FAM168A: variants seen among roughly 807,000 people sequenced by gnomAD.
The protein encoded by FAM168A is family with sequence similarity 168 member A.
FAM168A carries 3 observed loss-of-function variants against 28.5 expected under a neutral mutation model. That is an observed-to-expected ratio of 0.11 (90% CI 0.05 to 0.27). The LOEUF (loss-of-function observed/expected upper bound fraction) is 0.27, where lower values mean the gene tolerates loss of function less well. FAM168A is among the 10% of genes least tolerant of loss of function. FAM168A has a pLI of 1.00. For missense variants in FAM168A, 222 were observed against 311.5 expected, an observed-to-expected ratio of 0.71 and a Z score of 2.16; for synonymous variants, 122 against 124.2, an observed-to-expected ratio of 0.98 and a Z score of 0.12.
chr11:73,461,773 T>C (rs1339413279), intron 2 of FAM168A, among the ~76,000 whole-genome samples: 1 of 152,086 alleles, frequency 6.6e-6, no homozygotes, highest in African/African-American at 2.4e-5. Flanking sequence ...CAGGGGTATA[T>C]GAAAGGAGTT....
At chr11:73,411,037 C>G (rs971055245) in intron 5 of FAM168A, among the ~76,000 whole-genome samples, 4 of 152,218 alleles carry the variant, frequency 2.6e-5, no homozygotes, top group Non-Finnish European at 5.9e-5. Flanking sequence ...GGGGTCTCAC[C>G]TTGACCAACC....
chr11:73,589,495 G>GAAAAAAAAAAA (rs780232062), intron 1 of FAM168A, among the ~76,000 whole-genome samples: 2 of 64,958 alleles, frequency 3.1e-5, no homozygotes, highest in Non-Finnish European at 6.4e-5. Flanking sequence ...CTGATAAGCT[G>GAAAAAAAAAAA]AAAAAAAAAA....
At chr11:73,488,584 A>T (rs1373627548) in intron 1 of FAM168A, among the ~76,000 whole-genome samples, 1 of 152,186 alleles carries the variant, frequency 6.6e-6, no homozygotes, top group Non-Finnish European at 1.5e-5. Flanking sequence ...AGAGTTTTCA[A>T]GAGCTCCCAC....
chr11:73,484,772 G>A (rs1036560907), intron 1 of FAM168A, among the ~76,000 whole-genome samples: 4 of 149,710 alleles, frequency 2.7e-5, no homozygotes, highest in South Asian at 2.1e-4. Flanking sequence ...TTATTAAGTA[G>A]TATTAACCTA....
chr11:73,578,244 T>C (rs1028767893), intron 1 of FAM168A, among the ~76,000 whole-genome samples: 19 of 152,004 alleles, frequency 1.2e-4, no homozygotes, highest in African/African-American at 3.6e-4. Flanking sequence ...GTTTAATCTA[T>C]AGTGATAGAA....
intron 1 of FAM168A, among the ~76,000 whole-genome samples, chr11:73,494,012 T>C (rs751628945): frequency 1.3e-5 from 2 of 152,212 alleles, no homozygotes; most frequent in African/African-American, 2.4e-5. Flanking sequence ...TCCTGGACTA[T>C]GAGCTCTGAA....
chr11:73,455,875 C>T (rs1402009891), intron 2 of FAM168A, among the ~76,000 whole-genome samples: 7 of 152,264 alleles, frequency 4.6e-5, no homozygotes, highest in African/African-American at 1.4e-4. Flanking sequence ...TTTAACAGCT[C>T]CTAGGCATCC....
At chr11:73,420,568 A>G (rs1397216346) in intron 3 of FAM168A, among the ~76,000 whole-genome samples, 4 of 152,254 alleles carry the variant, frequency 2.6e-5, no homozygotes, top group Non-Finnish European at 4.4e-5. Context: ...GAACCTAGTT[A>G]GCCAGTGGGG....
chr11:73,526,214 T>C (rs1943444849), intron 1 of FAM168A, among the ~76,000 whole-genome samples: 1 of 152,054 alleles, frequency 6.6e-6, no homozygotes, highest in African/African-American at 2.4e-5. Context: ...GACACAAAAT[T>C]CACAGAACTA....
intron 1 of FAM168A, among the ~76,000 whole-genome samples, chr11:73,494,681 C>T (rs1029465831): frequency 1.3e-5 from 2 of 152,114 alleles, no homozygotes; most frequent in African/African-American, 4.8e-5. Flanking sequence ...GCAGCACCAA[C>T]GCCAGGAAAG....
chr11:73,545,002 A>AAT (rs1408468098), intron 1 of FAM168A, among the ~76,000 whole-genome samples: 1 of 80,760 alleles, frequency 1.2e-5, no homozygotes, highest in African/African-American at 7.9e-5. Context: ...TAGTATATAT[A>AAT]ATATACTATA....
At chr11:73,425,051 G>A (rs1277409885) in intron 3 of FAM168A, 2 of 1,530,402 alleles carry the variant, frequency 1.3e-6, no homozygotes, top group Non-Finnish European at 1.7e-6. Flanking sequence ...CTGAAACTCT[G>A]TTGGATAGAA....
intron 1 of FAM168A, among the ~76,000 whole-genome samples, chr11:73,513,658 C>T (rs542086880): frequency 3.4e-4 from 51 of 152,212 alleles, no homozygotes; most frequent in African/African-American, 1.2e-3. Context: ...TGGAGGACGA[C>T]GGCCCTCCAG....
Position 73,468,414 on chromosome 11 carries a change from C to T in FAM168A, c.61G>A (p.Ala21Thr), listed in dbSNP as rs746220660. Residue 21 changes from alanine (A) to threonine (T), a missense_variant, in exon 2 of 8, where the codon GCC (alanine) becomes ACC (threonine). Physicochemically the swap from Ala to Thr is moderately conservative, Grantham distance 58. Coordinates refer to ENST00000356467, the MANE Select transcript of FAM168A (RefSeq NM_015159.3). ...TTCTCACACTACTCACCCGTGTAGG[C>T]CATGTTCTTAGGGTTGCCATAAGGA... is the stretch of plus-strand genomic sequence containing the variant. ...GAPYGNPKNMAYTGYPTAYPA... is the reference protein window; with the variant it reads ...GAPYGNPKNMTYTGYPTAYPA... The T allele has an allele frequency of 6.2e-7, 1 of 1,614,074 alleles. No homozygotes were observed. Among genetic ancestry groups the T allele is most frequent in the Non-Finnish European group, 8.5e-7 (1 of 1,179,960 alleles).
At chr11:73,537,236 G>A (rs1943593928) in intron 1 of FAM168A, among the ~76,000 whole-genome samples, 1 of 152,116 alleles carries the variant, frequency 6.6e-6, no homozygotes. Context: ...TAGGAAGTGA[G>A]GCTGAAAAGG....
intron 2 of FAM168A, among the ~76,000 whole-genome samples, chr11:73,459,066 A>G (rs972115542): frequency 1.3e-5 from 2 of 151,882 alleles, no homozygotes; most frequent in African/African-American, 4.8e-5. Flanking sequence ...TTTGTCCTGG[A>G]AAGTCAAACT....
chr11:73,420,868 G>T, intron 3 of FAM168A: 1 of 152,686 alleles, frequency 6.5e-6, no homozygotes, highest in Non-Finnish European at 1.5e-5. Flanking sequence ...TTTAGAAATG[G>T]GGAGTGACTC....
At chr11:73,423,429 C>A (rs1261297815) in intron 3 of FAM168A, among the ~76,000 whole-genome samples, 1 of 152,162 alleles carries the variant, frequency 6.6e-6, no homozygotes, top group Non-Finnish European at 1.5e-5. Flanking sequence ...GCATTCAATG[C>A]CCCACCATGA....
At chr11:73,411,160 A>G (rs1354565117) in intron 5 of FAM168A, among the ~76,000 whole-genome samples, 1 of 152,220 alleles carries the variant, frequency 6.6e-6, no homozygotes, top group Non-Finnish European at 1.5e-5. Context: ...TTGTCCTCTG[A>G]CATTCTGGGC....
Sources: gnomAD v4.1 joint callset for allele counts (sites outside exome capture counted in the v4.1 genomes callset) on GRCh38, gnomAD v4.1.1 for gene constraint, MANE v1.5 for transcripts, NCBI Gene and HGNC (gene_info 2026-07-23, HGNC 2026-07-21) for gene names.